VTI1A: variants seen among roughly 807,000 people sequenced by gnomAD.
VTI1A encodes vesicle transport through interaction with t-SNAREs 1A.
A neutral mutation model predicts 34.9 loss-of-function variants in VTI1A; 22 were observed. The ratio of observed to expected loss-of-function variants is 0.63; its 90% CI spans 0.45 to 0.90. The LOEUF is 0.90. Ranked by LOEUF, VTI1A falls within the 40% of genes least tolerant of loss-of-function variation. VTI1A has a pLI of 0.00. For synonymous variants in VTI1A, 87 were observed against 97.3 expected (o/e 0.89, Z 0.62); for missense variants, 268 against 275.6 (o/e 0.97, Z 0.20).
chr10:112,622,455 T>TA (rs530312462), intron 5 of VTI1A, among the ~76,000 whole-genome samples: 15,624 of 114,174 alleles, frequency 0.14, 878 homozygotes, highest in African/African-American at 0.17. Context: ...AAAAAGTACC[T>TA]AAAAAAAAAA....
chr10:112,794,552 TA>T (rs1478974885), intron 7 of VTI1A, among the ~76,000 whole-genome samples: 2 of 151,892 alleles, frequency 1.3e-5, no homozygotes, highest in Admixed American at 1.3e-4. Flanking sequence ...ACTCTGCCTC[TA>T]AAAAATAATA....
chr10:112,659,413 T>C lies in VTI1A; in HGVS notation c.428-8805T>C, dbSNP rs937758145. 2.0e-5 allele frequency among the ~76,000 whole-genome samples: 3 copies of C among 152,228 alleles called. No homozygotes were observed. The East Asian group carries it at 5.8e-4, about 29-fold the overall frequency. On this transcript the variant is annotated intron_variant, in intron 5 of 7. Transcript: ENST00000393077. ...GAGCTGTAATTAACATGGTTCCTTT[T>C]GTTTAACAACCTCAATTTACATAGT...
chr10:112,818,051 A>G lies in VTI1A; in HGVS notation c.*2668A>G. 1 of 233,500 alleles carries G rather than the reference A, an allele frequency of 4.3e-6. No homozygotes were observed. Among genetic ancestry groups the G allele is most frequent in the East Asian group, 6.0e-5 (1 of 16,554 alleles). The allele number at this position is 233,500 out of a possible 1,614,324, so 14.5% of individuals were successfully genotyped here. A position where few individuals can be genotyped will look rare whatever the true frequency, so the allele number is the denominator to read the frequency against. ...ATCCGTGTTGAAGGCGAATGCCTGC[A>G]AATGCAGTGGGTCTGACGTCAGCTG... is the stretch of plus-strand genomic sequence containing the variant. On this transcript the variant is annotated 3_prime_UTR_variant, in exon 8 of 8. Transcript: ENST00000393077.
intron 5 of VTI1A, among the ~76,000 whole-genome samples, chr10:112,548,314 T>TC: frequency 6.6e-6 from 1 of 152,204 alleles, no homozygotes; most frequent in Middle Eastern, 3.2e-3. Context: ...ACTTTTTTTT[T>TC]CTCATTAAAT....
chr10:112,697,559 G>C (rs534853498), intron 7 of VTI1A, among the ~76,000 whole-genome samples: 1 of 152,012 alleles, frequency 6.6e-6, no homozygotes, highest in African/African-American at 2.4e-5. Flanking sequence ...ATCATGCCCA[G>C]CTAATTTTGT....
chr10:112,848,520 A>G, the VTI1A span, among the ~76,000 whole-genome samples: 1 of 152,202 alleles, frequency 6.6e-6, no homozygotes, highest in Non-Finnish European at 1.5e-5. Context: ...GGGGAGTCTC[A>G]TGAGAAACAA....
chr10:112,826,682 T>G, the VTI1A span: 1 of 152,152 alleles, frequency 6.6e-6, no homozygotes, highest in Non-Finnish European at 1.5e-5. Flanking sequence ...AGAGACATCC[T>G]CCTTTTGGGA....
At chr10:112,659,994 T>A (rs1847383867) in intron 5 of VTI1A, among the ~76,000 whole-genome samples, 1 of 152,236 alleles carries the variant, frequency 6.6e-6, no homozygotes, top group African/African-American at 2.4e-5. Flanking sequence ...TTGGGTTTTT[T>A]AAAACGTTAT....
At chr10:112,768,532 C>G (rs1347055325) in intron 7 of VTI1A, among the ~76,000 whole-genome samples, 2 of 152,122 alleles carry the variant, frequency 1.3e-5, no homozygotes, top group African/African-American at 4.8e-5. Context: ...TCCTTTTTTG[C>G]ATGTTTCCAC....
chr10:112,632,500 G>C (rs1589998809), intron 5 of VTI1A, among the ~76,000 whole-genome samples: 1 of 152,192 alleles, frequency 6.6e-6, no homozygotes, highest in African/African-American at 2.4e-5. Context: ...GCTAAAAGTT[G>C]ATCAAGCATT....
chr10:112,516,947 T>C (rs991467701), intron 3 of VTI1A, among the ~76,000 whole-genome samples: 2 of 152,070 alleles, frequency 1.3e-5, no homozygotes, highest in African/African-American at 4.8e-5. Context: ...TTTATATTAT[T>C]TAAGGTACTC....
At chr10:112,774,456 A>G (rs1271630706) in intron 7 of VTI1A, among the ~76,000 whole-genome samples, 6 of 151,900 alleles carry the variant, frequency 3.9e-5, no homozygotes, top group African/African-American at 1.5e-4. Flanking sequence ...TACAAAGGAG[A>G]TGAGTGTGAA....
chr10:112,518,484 G>A (rs1849868346), intron 3 of VTI1A, among the ~76,000 whole-genome samples: 2 of 150,202 alleles, frequency 1.3e-5, no homozygotes, highest in South Asian at 4.2e-4. Flanking sequence ...AGAGATAGGA[G>A]GATTGCTTAA....
At position 112,679,619 on chromosome 10, in the gene VTI1A, C is replaced by A. The variant is rs1848149683; in HGVS notation, c.560+10621C>A. Among the ~76,000 whole-genome samples the A allele has an allele frequency of 3.3e-5, 5 of 151,824 alleles. No individual in the cohort carries two copies. In the South Asian group the frequency reaches 1.0e-3, roughly 32 times the overall value. On this transcript the variant is annotated intron_variant, in intron 7 of 7. Transcript: ENST00000393077. Reference sequence around the variant, plus strand: ...AAAATGCAAGAATGGCAAATTTGACCACAATTTTAAAAAGAGGATTGAAGC... The same window carrying A: ...AAAATGCAAGAATGGCAAATTTGACAACAATTTTAAAAAGAGGATTGAAGC...
Position 112,692,176 on chromosome 10 carries a change from T to C in VTI1A, c.560+23178T>C, listed in dbSNP as rs1848636983. On this transcript the variant is annotated intron_variant, in intron 7 of 7. Transcript: ENST00000393077. ...AAACTCACCACCCTAGAGTGTAGATTAAAATAACTAATGCACATATATGTC... is the reference window on the plus strand; with the variant it reads ...AAACTCACCACCCTAGAGTGTAGATCAAAATAACTAATGCACATATATGTC... Among the ~76,000 whole-genome samples the C allele has an allele frequency of 2.6e-5, 4 of 151,658 alleles. No individual in the cohort carries two copies. The South Asian group carries it at 8.3e-4, about 32-fold the overall frequency.
intron 3 of VTI1A, among the ~76,000 whole-genome samples, chr10:112,495,164 C>A (rs879059831): frequency 6.8e-6 from 1 of 146,588 alleles, no homozygotes; most frequent in Admixed American, 6.8e-5. Flanking sequence ...GCCAATGGTC[C>A]GTTTCATTGA....
the VTI1A span, among the ~76,000 whole-genome samples, chr10:112,837,180 T>C: frequency 3.3e-5 from 5 of 151,984 alleles, no homozygotes; most frequent in Non-Finnish European, 5.9e-5. Flanking sequence ...ATTAGCTGAG[T>C]GTGGTGTGTG....
chr10:112,664,226 TAA>T (rs1847563795), intron 5 of VTI1A, among the ~76,000 whole-genome samples: 1 of 152,208 alleles, frequency 6.6e-6, no homozygotes, highest in Non-Finnish European at 1.5e-5. Flanking sequence ...GACTAATTTT[TAA>T]AAATGTTTTG....
chr10:112,745,064 G>A (rs1482574635), intron 7 of VTI1A, among the ~76,000 whole-genome samples: 1 of 152,134 alleles, frequency 6.6e-6, no homozygotes, highest in Non-Finnish European at 1.5e-5. Context: ...CAGGAAAAAA[G>A]TAGTTTTATT....
Sources: allele counts gnomAD v4.1 joint callset (sites outside exome capture counted in the v4.1 genomes callset), GRCh38; gene constraint gnomAD v4.1.1; transcripts MANE v1.5; gene names NCBI Gene and HGNC (gene_info 2026-07-23, HGNC 2026-07-21).